The following C6orf89 variants were observed in gnomAD, a reference collection of about 807,000 sequenced individuals.
C6orf89 encodes the protein bombesin receptor-activated protein C6orf89.
In C6orf89, 29 loss-of-function variants were observed where a neutral mutation model predicts 40.7. That is an observed-to-expected ratio of 0.71 (90% CI 0.53 to 0.97). The LOEUF is 0.97. Among genes scored for constraint, C6orf89 ranks in the 50% least tolerant of loss-of-function variants. The pLI, the probability that C6orf89 is intolerant of heterozygous loss-of-function variation, is 0.00. For synonymous variants in C6orf89, 165 were observed against 152.2 expected (o/e 1.08, Z -0.62); for missense variants, 392 against 429.1 (o/e 0.91, Z 0.76).
chr6:36,909,975 T>C (rs186822926), intron 4 of C6orf89, among the ~76,000 whole-genome samples: 44 of 152,222 alleles, frequency 2.9e-4, no homozygotes, highest in Non-Finnish European at 1.5e-5. Flanking sequence ...TCACTTAGGG[T>C]AGATACTGTT....
chr6:36,917,946 T>C (rs1004777535), intron 7 of C6orf89, among the ~76,000 whole-genome samples: 17 of 152,344 alleles, frequency 1.1e-4, no homozygotes, highest in African/African-American at 3.1e-4. Context: ...TTCTCGAGGA[T>C]GTTTTGGGAA....
intron 3 of C6orf89, among the ~76,000 whole-genome samples, chr6:36,901,318 A>ATTTTT (rs1408790414): frequency 1.6e-3 from 107 of 64,900 alleles, no homozygotes; most frequent in Non-Finnish European, 2.5e-3. Flanking sequence ...TATTATTATT[A>ATTTTT]TTATTTTTTT....
In C6orf89 at chr6:36,902,383, G is replaced by A; in HGVS notation, c.352G>A (p.Glu118Lys). 1 of 1,614,192 alleles carries A rather than the reference G, an allele frequency of 6.2e-7. No individual in the cohort carries two copies. Among genetic ancestry groups the A allele is most frequent in the Non-Finnish European group, 8.5e-7 (1 of 1,180,040 alleles). The change falls in exon 4 of 9, where the codon GAA (glutamate) becomes AAA (lysine). Residue 118 changes from glutamate (E) to lysine (K), a missense_variant. Transcript: ENST00000480824. ...SLPIAKKYMS[E>K]NKGVPLHGGD... is the part of the protein sequence containing the mutation. ...GCCCATTGCCAAGAAGTACATGTCA[G>A]AAAATAAGGGAGTTCCTCTGCATGG...
At chr6:36,899,689 T>C (rs1583167837) in intron 3 of C6orf89, 56 bp downstream of exon 3, 1 of 1,526,928 alleles carries the variant, frequency 6.5e-7, no homozygotes, top group South Asian at 1.1e-5. Context: ...TGTTCAACAT[T>C]CTTCACAAAT....
At chr6:36,890,734 A>G (rs988494424) in intron 1 of C6orf89, among the ~76,000 whole-genome samples, 2 of 151,928 alleles carry the variant, frequency 1.3e-5, no homozygotes, top group Non-Finnish European at 2.9e-5. Flanking sequence ...GGGTTTTGCT[A>G]TGTTATGTTG....
chr6:36,881,514 C>T (rs1452382152), upstream of C6orf89, among the ~76,000 whole-genome samples: 1 of 151,954 alleles, frequency 6.6e-6, no homozygotes, highest in African/African-American at 2.4e-5. Flanking sequence ...TTCTACTAAA[C>T]ATACAAAAAA....
intron 1 of C6orf89, among the ~76,000 whole-genome samples, chr6:36,875,442 TAAAG>T (rs1489518543): frequency 6.6e-6 from 1 of 151,826 alleles, no homozygotes; most frequent in African/African-American, 2.4e-5. Flanking sequence ...AAATAGGAGA[TAAAG>T]AAAGGAAGAG....
chr6:36,881,576 A>G (rs879716264), upstream of C6orf89, among the ~76,000 whole-genome samples: 4 of 152,226 alleles, frequency 2.6e-5, no homozygotes, highest in Non-Finnish European at 5.9e-5. Context: ...GGGGAGGCTG[A>G]GGCAGGAGAA....
At position 36,924,830 on chromosome 6, in the gene C6orf89, C is replaced by T. The variant is rs769825195; in HGVS notation, c.*1389C>T. The T allele has an allele frequency of 6.6e-6, 1 of 152,148 alleles. No individual in the cohort carries two copies. The highest frequency in any genetic ancestry group is 6.5e-5 in the Admixed American group (1 of 15,274). 9.4% of individuals were successfully genotyped at this position (152,148 alleles called of 1,614,324 possible). On this transcript the variant is annotated 3_prime_UTR_variant, in exon 9 of 9. Transcript: ENST00000480824. ...ATTATGGATCAGAGGCAGACAATGA[C>T]GAGTGAAGATGGTTGTGAAGCCCTC...
In C6orf89 at chr6:36,924,927, G is replaced by A. The variant is rs1418409238; in HGVS notation, c.*1486G>A. 2 of 152,166 alleles carry A rather than the reference G, an allele frequency of 1.3e-5. No homozygotes were observed. The highest frequency in any genetic ancestry group is 3.9e-4 in the East Asian group (2 of 5,194). 9.4% of individuals were successfully genotyped at this position (152,166 alleles called of 1,614,324 possible). On this transcript the variant is annotated 3_prime_UTR_variant, in exon 9 of 9. Transcript: ENST00000480824. Reference sequence around the variant, plus strand: ...CTGTGGGTCTCATGAACAGCAGTGGGGACCATTGAGCACTTGAATGGCCTG... The same window carrying A: ...CTGTGGGTCTCATGAACAGCAGTGGAGACCATTGAGCACTTGAATGGCCTG...
chr6:36,887,526 T>C (rs1186007526), intron 1 of C6orf89, among the ~76,000 whole-genome samples: 2 of 152,104 alleles, frequency 1.3e-5, no homozygotes. Context: ...AAAACTGAGG[T>C]CAGAGTCTTA....
chr6:36,888,339 A>G (rs1313653981), intron 1 of C6orf89, among the ~76,000 whole-genome samples: 4 of 152,194 alleles, frequency 2.6e-5, no homozygotes, highest in African/African-American at 9.7e-5. Context: ...TTGTGTTTCA[A>G]AAAAATAAGT....
intron 4 of C6orf89, among the ~76,000 whole-genome samples, chr6:36,911,491 A>C (rs186944099): frequency 2.6e-3 from 386 of 147,358 alleles, no homozygotes; most frequent in Admixed American, 4.3e-3. Context: ...CTCCATCTCC[A>C]AAAAAAATAA....
intron 1 of C6orf89, among the ~76,000 whole-genome samples, chr6:36,872,416 G>A (rs1265647266): frequency 6.6e-6 from 1 of 152,012 alleles, no homozygotes; most frequent in African/African-American, 2.4e-5. Flanking sequence ...TCAATAAAAG[G>A]TACAGTTTGT....
chr6:36,912,900 A>C (rs1671277206), intron 4 of C6orf89, among the ~76,000 whole-genome samples: 2 of 152,210 alleles, frequency 1.3e-5, no homozygotes, highest in African/African-American at 4.8e-5. Flanking sequence ...TTTGTGGTTA[A>C]GAGTCAGTTT....
chr6:36,891,345 AGTATTCCATGG>A (rs1447559064), intron 1 of C6orf89, among the ~76,000 whole-genome samples: 8 of 152,184 alleles, frequency 5.3e-5, no homozygotes, highest in African/African-American at 1.9e-4. Context: ...GTGGCTGCAT[AGTATTCCATGG>A]TGTATATGTG....
upstream of C6orf89, among the ~76,000 whole-genome samples, chr6:36,882,734 C>CT (rs1178360256): frequency 0.021 from 989 of 46,224 alleles, 21 homozygotes; most frequent in African/African-American, 0.045. Flanking sequence ...TTTCTTTTTT[C>CT]TTTTTTTTTT....
intron 2 of C6orf89, among the ~76,000 whole-genome samples, chr6:36,897,061 G>A (rs925773328): frequency 2.0e-5 from 3 of 150,268 alleles, no homozygotes; most frequent in Admixed American, 6.6e-5. Context: ...CTCGGGAGGC[G>A]GAAGTGGCAG....
intron 1 of C6orf89, among the ~76,000 whole-genome samples, chr6:36,893,927 G>A (rs1761319176): frequency 1.3e-5 from 2 of 151,898 alleles, no homozygotes; most frequent in South Asian, 4.2e-4. Flanking sequence ...AGGAGGCTGA[G>A]GCATGAGAAT....
Sources: gnomAD v4.1 joint callset for allele counts (sites outside exome capture counted in the v4.1 genomes callset) on GRCh38, gnomAD v4.1.1 for gene constraint, MANE v1.5 for transcripts, NCBI Gene and HGNC (gene_info 2026-07-23, HGNC 2026-07-21) for gene names.